Variants in HSPG2 observed in about 807,000 individuals in gnomAD.
The protein encoded by HSPG2 is heparan sulfate proteoglycan 2.
In HSPG2, 278 loss-of-function variants were observed where a neutral mutation model predicts 526.6. The observed-to-expected ratio is 0.53, with a 90% CI of 0.48 to 0.58. The LOEUF is 0.58. Among genes scored for constraint, HSPG2 ranks in the 20% least tolerant of loss-of-function variants. HSPG2 has a pLI of 0.00. For missense variants in HSPG2, 5,354 were observed against 6,099.5 expected, an observed-to-expected ratio of 0.88 and a Z score of 4.07; for synonymous variants, 2,465 against 2,555.4, an observed-to-expected ratio of 0.96 and a Z score of 1.07.
At chr1:21,882,410 C>CACACAT (rs1641587053) in intron 13 of HSPG2, among the ~76,000 whole-genome samples, 1 of 144,834 alleles carries the variant, frequency 6.9e-6, no homozygotes, top group Non-Finnish European at 1.5e-5. Context: ...TACACACACA[C>CACACAT]ACACACACAC....
chr1:21,887,619 A>C lies in HSPG2; in HGVS notation c.759T>G (p.Ser253=). ...TGGTTGTCTCTGGCCGGGGCGGTAAAGATGTCGTCTCCACAAGGAGAGAGA... is the reference window on the plus strand; with the variant it reads ...TGGTTGTCTCTGGCCGGGGCGGTAACGATGTCGTCTCCACAAGGAGAGAGA... ...PTFSLLVETT[S]LPPRPETTIM... Residue 253 remains serine, a synonymous_variant, in exon 8 of 97, where the codon TCT becomes TCG. Coordinates refer to ENST00000374695, the MANE Select transcript of HSPG2 (RefSeq NM_005529.7). The surrounding 1 kb of genome is among the most constrained non-coding windows in gnomAD (Gnocchi z 5.0). 27 of 1,613,986 alleles carry C rather than the reference A, an allele frequency of 1.7e-5. No individual in the cohort carries two copies. The highest frequency in any genetic ancestry group is 2.2e-5 in the Non-Finnish European group (26 of 1,180,002).
At position 21,823,152 on chromosome 1, in the gene HSPG2, G is replaced by A; in HGVS notation, c.*164C>T. On this transcript the variant is annotated 3_prime_UTR_variant, in exon 97 of 97. Coordinates refer to ENST00000374695, the MANE Select transcript of HSPG2 (RefSeq NM_005529.7). ...GCCTTGTGGCTTTGCCCAGCTGTGT[G>A]TGTGAGGGTGGCATGCCCACCTCCA... The A allele has an allele frequency of 1.5e-6, 1 of 653,306 alleles. No homozygotes were observed. Among genetic ancestry groups the A allele is most frequent in the Non-Finnish European group, 2.4e-6 (1 of 414,648 alleles). The allele number at this position is 653,306 out of a possible 1,614,324, so 40.5% of individuals were successfully genotyped here.
chr1:21,901,163 G>T (rs1557811650), intron 1 of HSPG2, among the ~76,000 whole-genome samples: 1 of 152,022 alleles, frequency 6.6e-6, no homozygotes, highest in Non-Finnish European at 1.5e-5. Context: ...GTGAGCTTGT[G>T]TTATTATTAT....
chr1:21,935,158 G>A (rs535762126), intron 1 of HSPG2, among the ~76,000 whole-genome samples: 2 of 151,904 alleles, frequency 1.3e-5, no homozygotes, highest in Non-Finnish European at 2.9e-5. Context: ...GCCCACCGTG[G>A]CCTCCCAAAG....
At position 21,875,921 on chromosome 1, in the gene HSPG2, T is replaced by C. The variant is rs752976298; in HGVS notation, c.3125A>G (p.His1042Arg). ...LQGNNIILEH[H>R]VAQEPSPGQP... ...GCCGGGGCTGGGCTCCTGGGCCACA[T>C]GGTGCTCTAGGATGATGTTGTTACC... is the stretch of plus-strand genomic sequence containing the variant. The change falls in exon 24 of 97, where the codon CAT (histidine) becomes CGT (arginine). Residue 1042 changes from histidine to arginine, a missense_variant. Physicochemically the swap from His to Arg is conservative, Grantham distance 29. Coordinates refer to ENST00000374695, the MANE Select transcript of HSPG2 (RefSeq NM_005529.7). The C allele has an allele frequency of 1.8e-5, 29 of 1,614,174 alleles. No homozygotes were observed. The South Asian group carries it at 2.6e-4, about 15-fold the overall frequency.
chr1:21,900,778 G>C (rs1018374788), intron 1 of HSPG2, among the ~76,000 whole-genome samples: 1 of 152,046 alleles, frequency 6.6e-6, no homozygotes, highest in South Asian at 2.1e-4. Flanking sequence ...CCAACTACTC[G>C]GGAGGCTGAG....
At position 21,885,425 on chromosome 1, in the gene HSPG2, C is replaced by A; in HGVS notation, c.1105G>T (p.Gly369Trp). 6.2e-7 allele frequency: 1 copy of A among 1,614,046 alleles called. No homozygotes were observed. Among genetic ancestry groups the A allele is most frequent in the Non-Finnish European group, 8.5e-7 (1 of 1,179,990 alleles). The change falls in exon 10 of 97, where the codon GGG (glycine) becomes TGG (tryptophan). Residue 369 changes from glycine (G) to tryptophan (W), a missense_variant. Coordinates refer to ENST00000374695, the MANE Select transcript of HSPG2 (RefSeq NM_005529.7). ...GAGACGCATCGGAACTGTGTGGGCCCGCACACTTCCTCAGGACGCTTGGTG... is the reference window on the plus strand; with the variant it reads ...GAGACGCATCGGAACTGTGTGGGCCAGCACACTTCCTCAGGACGCTTGGTG... Reference protein sequence around the residue: ...CPTKRPEEVCGPTQFRCVSTN... With the variant: ...CPTKRPEEVCWPTQFRCVSTN...
Position 21,848,123 on chromosome 1 carries a change from C to A in HSPG2, c.7738-30G>T. 1 of 1,558,024 alleles carries A rather than the reference C, an allele frequency of 6.4e-7. No individual in the cohort carries two copies. The highest frequency in any genetic ancestry group is 1.4e-5 in the African/African-American group (1 of 73,520). ...AGGAAGCAGATGGCAGGAGGTATGG[C>A]AGTAGGTGTGGGCAGCTCCTCCACA... is the stretch of plus-strand genomic sequence containing the variant. On this transcript the variant is annotated intron_variant, in intron 59 of 96. Transcript: ENST00000374695. The surrounding 1 kb of genome is among the most constrained non-coding windows in gnomAD (Gnocchi z 4.9).
chr1:21,880,120 T>C lies in HSPG2; in HGVS notation c.2330A>G (p.Tyr777Cys). Residue 777 changes from tyrosine (Y) to cysteine (C), a missense_variant, in exon 17 of 97, where the codon TAT (tyrosine) becomes TGT (cysteine). Coordinates refer to ENST00000374695, the MANE Select transcript of HSPG2 (RefSeq NM_005529.7). ...NGHASSCDPVYGHCLNCQHNT... is the reference protein window; with the variant it reads ...NGHASSCDPVCGHCLNCQHNT... ...GGCACTACTCACCAGGCAGTGGCCA[T>C]ACACAGGGTCACAGGAGCTGGCATG... The C allele has an allele frequency of 6.2e-7, 1 of 1,614,090 alleles. No homozygotes were observed. Among genetic ancestry groups the C allele is most frequent in the Non-Finnish European group, 8.5e-7 (1 of 1,179,994 alleles).
intron 21 of HSPG2, 39 bp from the exon 22 acceptor site, chr1:21,876,691 G>T (rs1180370623): frequency 6.2e-7 from 1 of 1,613,734 alleles, no homozygotes; most frequent in East Asian, 2.2e-5. Flanking sequence ...CAGCCCATGG[G>T]AGAGGCTGCC....
In HSPG2 at chr1:21,875,908, C is replaced by T. The variant is rs1301448873; in HGVS notation, c.3138G>A (p.Glu1046=). The change falls in exon 24 of 97, where the codon GAG becomes GAA. Residue 1046 remains glutamate (E), a synonymous_variant. Coordinates refer to ENST00000374695, the MANE Select transcript of HSPG2 (RefSeq NM_005529.7). ...NIILEHHVAQ[E]PSPGQPSTFI... is the part of the protein sequence containing the mutation. ...AGGTGCTGGGCTGGCCGGGGCTGGG[C>T]TCCTGGGCCACATGGTGCTCTAGGA... is the stretch of plus-strand genomic sequence containing the variant. 2 of 1,614,038 alleles carry T rather than the reference C, an allele frequency of 1.2e-6. No homozygotes were observed. The highest frequency in any genetic ancestry group is 1.3e-5 in the African/African-American group (1 of 74,948).
At chr1:21,849,087 C>T in intron 57 of HSPG2, 56 bp from the exon 58 acceptor site, 2 of 1,594,782 alleles carry the variant, frequency 1.3e-6, no homozygotes, top group Non-Finnish European at 1.7e-6. Flanking sequence ...CGGCTCACGC[C>T]AAGCTCCTGT....
At chr1:21,874,356 G>A (rs746310222) in intron 28 of HSPG2, 50 bp downstream of exon 28, 15 of 1,607,804 alleles carry the variant, frequency 9.3e-6, no homozygotes, top group Admixed American at 3.3e-5. Flanking sequence ...TGTGGGAGCG[G>A]GTGGTAGACA....
chr1:21,857,380 G>A lies in HSPG2; in HGVS notation c.5299C>T (p.Pro1767Ser), dbSNP rs776599574. ...ACAGTCACTGTGATGGGCTTGCTTG[G>A]AGCCTCTGCAGGGACGGGAAGCCCC... ...SRAELLVTEA[P>S]SKPITVTVEE... The change falls in exon 43 of 97, where the codon CCA becomes TCA. Residue 1767 changes from proline (P) to serine (S), a missense_variant. Pro to Ser is a moderately conservative substitution (Grantham distance 74, BLOSUM62 -1). Coordinates refer to ENST00000374695, the MANE Select transcript of HSPG2 (RefSeq NM_005529.7). 1.2e-6 allele frequency: 2 copies of A among 1,613,678 alleles called. No individual in the cohort carries two copies. The highest frequency in any genetic ancestry group is 1.7e-6 in the Non-Finnish European group (2 of 1,179,986).
Position 21,879,056 on chromosome 1 carries a change from G to A in HSPG2, c.2409C>T (p.Ala803=), listed in dbSNP as rs776896786. The A allele has an allele frequency of 8.1e-5, 130 of 1,614,088 alleles. No homozygotes were observed. Among genetic ancestry groups the A allele is most frequent in the Non-Finnish European group, 1.1e-4 (128 of 1,180,034 alleles). Residue 803 remains alanine (A), a synonymous_variant, in exon 18 of 97, where the codon GCC becomes GCT. Coordinates refer to ENST00000374695, the MANE Select transcript of HSPG2 (RefSeq NM_005529.7). ...GGCAGGAAGTGGCCGTGGCCTTCATGGCGTCCCCAAAGAAGCCAGCCTTGC... is the reference window on the plus strand; with the variant it reads ...GGCAGGAAGTGGCCGTGGCCTTCATAGCGTCCCCAAAGAAGCCAGCCTTGC... ...NKCKAGFFGD[A]MKATATSCRP... is the part of the protein sequence containing the mutation.
rs2098039369 is a variant in HSPG2 at position 21,839,321 on chromosome 1, G to A, written c.9889+50C>T. The A allele has an allele frequency of 1.3e-6, 2 of 1,588,782 alleles. No individual in the cohort carries two copies. Among genetic ancestry groups the A allele is most frequent in the African/African-American group, 1.3e-5 (1 of 74,572 alleles). On this transcript the variant is annotated intron_variant, in intron 73 of 96. Transcript: ENST00000374695. This position sits in a 1 kb window ranked among gnomAD's most constrained non-coding sequence, Gnocchi z 4.5. Reference sequence around the variant, plus strand: ...TTCTGTGTGGGGTGGAGCCTAGTCGGGGGGCTCAGATCTCCATTTGGTGCA... The same window carrying A: ...TTCTGTGTGGGGTGGAGCCTAGTCGAGGGGCTCAGATCTCCATTTGGTGCA...
At chr1:21,831,922 G>A in intron 81 of HSPG2, 126 bp from the exon 82 acceptor site, 1 of 1,037,646 alleles carries the variant, frequency 9.6e-7, no homozygotes, top group Non-Finnish European at 1.4e-6. Flanking sequence ...CCCAGCCCTG[G>A]GGCTGTTCCC....
At chr1:21,870,457 G>A (rs989832301) in intron 33 of HSPG2, 2 of 228,210 alleles carry the variant, frequency 8.8e-6, no homozygotes, top group Non-Finnish European at 1.5e-5. Context: ...CCCCTCTCCA[G>A]GCTGGCACCC....
chr1:21,852,359 G>A, intron 52 of HSPG2, 126 bp from the exon 53 acceptor site: 2 of 1,230,412 alleles, frequency 1.6e-6, no homozygotes, highest in South Asian at 1.3e-5. Flanking sequence ...GGCATCTGGG[G>A]GCCTGGACTT....
Sources: gnomAD v4.1 joint callset for allele counts (sites outside exome capture counted in the v4.1 genomes callset) on GRCh38, gnomAD v4.1.1 for gene constraint, Gnocchi (gnomAD v3.1) non-coding constraint, MANE v1.5 for transcripts, NCBI Gene and HGNC (gene_info 2026-07-23, HGNC 2026-07-21) for gene names.